Variants in SMAD2 observed in about 807,000 individuals in gnomAD.
SMAD2 encodes the protein MAD homolog 2.
Under a neutral mutation model 64.4 loss-of-function variants are expected in SMAD2, and 8 were observed. That is an observed-to-expected ratio of 0.12 (90% CI 0.07 to 0.22). The LOEUF (loss-of-function observed/expected upper bound fraction) is 0.22. Among genes scored for constraint, SMAD2 ranks in the 10% least tolerant of loss-of-function variants. SMAD2 has a pLI of 1.00. For missense variants in SMAD2, 289 were observed against 561.2 expected (o/e 0.51, Z 4.90); for synonymous variants, 203 against 195.8 (o/e 1.04, Z -0.31).
chr18:47,816,093 G>A lies in SMAD2; in HGVS notation c.*25734C>T, dbSNP rs1912355628. The A allele has an allele frequency of 6.6e-6, 1 of 152,158 alleles. No individual in the cohort carries two copies. Among genetic ancestry groups the A allele is most frequent in the African/African-American group, 2.4e-5 (1 of 41,416 alleles). 9.4% of individuals were successfully genotyped at this position (152,158 alleles called of 1,614,324 possible). On this transcript the variant is annotated 3_prime_UTR_variant, in exon 11 of 11. Transcript: ENST00000262160. ...ACGGTAAACACATACCTCATGTCTTGGCTTCTAGAGCCCGGAGATAAGATC... is the reference window on the plus strand; with the variant it reads ...ACGGTAAACACATACCTCATGTCTTAGCTTCTAGAGCCCGGAGATAAGATC...
At chr18:47,844,686 A>G (rs977979512) in intron 10 of SMAD2, among the ~76,000 whole-genome samples, 3 of 152,226 alleles carry the variant, frequency 2.0e-5, no homozygotes, top group East Asian at 1.9e-4. Context: ...CCAAATATGT[A>G]TTAGTTTGAA....
At chr18:47,904,133 T>C (rs950662150) in intron 1 of SMAD2, among the ~76,000 whole-genome samples, 2 of 151,414 alleles carry the variant, frequency 1.3e-5, no homozygotes, top group East Asian at 1.9e-4. Context: ...GAGTCCTCGA[T>C]AGAAAGAGAA....
intron 7 of SMAD2, among the ~76,000 whole-genome samples, chr18:47,850,095 G>C (rs1447448290): frequency 7.0e-6 from 1 of 141,874 alleles, no homozygotes; most frequent in African/African-American, 2.6e-5. Context: ...TCAATCTGCA[G>C]TTGGTTGAAT....
chr18:47,854,524 T>C (rs1314360626), intron 6 of SMAD2, among the ~76,000 whole-genome samples: 2 of 152,318 alleles, frequency 1.3e-5, no homozygotes, highest in Middle Eastern at 3.4e-3. Context: ...TTGTAAACAG[T>C]GTATTTCTGT....
intron 6 of SMAD2, among the ~76,000 whole-genome samples, chr18:47,851,575 G>A (rs1387248139): frequency 6.6e-6 from 1 of 152,068 alleles, no homozygotes; most frequent in East Asian, 1.9e-4. Flanking sequence ...TCTTCCCAAA[G>A]ATATCTAATA....
At chr18:47,850,001 T>C (rs1471458665) in intron 7 of SMAD2, among the ~76,000 whole-genome samples, 2 of 151,166 alleles carry the variant, frequency 1.3e-5, no homozygotes, top group African/African-American at 4.9e-5. Context: ...AGCAAGACTC[T>C]GTCTCAAAAA....
At chr18:47,863,041 G>T (rs113570893) in intron 6 of SMAD2, among the ~76,000 whole-genome samples, 3 of 151,288 alleles carry the variant, frequency 2.0e-5, no homozygotes, top group African/African-American at 7.3e-5. Flanking sequence ...TACTTATTAT[G>T]CCTAATTTAT....
rs1356158415 is a variant in SMAD2 at position 47,819,831 on chromosome 18, T to C, written c.*21996A>G. ...AAAAAAAAAAGAATTGGATGGATTA[T>C]AAACGGGATAAGCAAGGGTGAGACA... On this transcript the variant is annotated 3_prime_UTR_variant, in exon 11 of 11. Transcript: ENST00000262160. The C allele has an allele frequency of 6.8e-6, 1 of 146,088 alleles. No homozygotes were observed. The highest frequency in any genetic ancestry group is 1.5e-5 in the Non-Finnish European group (1 of 66,994). The allele number at this position is 146,088 out of a possible 1,614,324, so 9.0% of individuals were successfully genotyped here.
intron 6 of SMAD2, among the ~76,000 whole-genome samples, chr18:47,861,012 G>A (rs536030580): frequency 1.3e-5 from 2 of 152,012 alleles, no homozygotes; most frequent in Non-Finnish European, 2.9e-5. Context: ...GTTTATTGTA[G>A]GTCTTAGTTA....
rs1191272992 is a variant in SMAD2 at position 47,834,919 on chromosome 18, C to T, written c.*6908G>A. On this transcript the variant is annotated 3_prime_UTR_variant, in exon 11 of 11. Transcript: ENST00000262160. ...CAAAGGCTGCCAGCTGGAGACACAG[C>T]CCTCCGATTACAAAGGCCCAGAATG... 5 of 222,914 alleles carry T rather than the reference C, an allele frequency of 2.2e-5. No individual in the cohort carries two copies. The highest frequency in any genetic ancestry group is 4.5e-5 in the Non-Finnish European group (5 of 111,530). 13.8% of individuals were successfully genotyped at this position (222,914 alleles called of 1,614,324 possible). A position where few individuals can be genotyped will look rare whatever the true frequency, so the allele number is the denominator to read the frequency against.
At chr18:47,845,906 G>C in intron 8 of SMAD2, 106 bp from the exon 9 acceptor site, 1 of 999,594 alleles carries the variant, frequency 1.0e-6, no homozygotes, top group Non-Finnish European at 1.6e-6. Flanking sequence ...GGTATTTCCA[G>C]GATCTTTTTC....
At chr18:47,861,334 T>A (rs113446946) in intron 6 of SMAD2, among the ~76,000 whole-genome samples, 5,161 of 151,122 alleles carry the variant, frequency 0.034, 308 homozygotes, top group African/African-American at 0.12. Flanking sequence ...CAAAAAACAA[T>A]CAAACAAAAA....
intron 6 of SMAD2, among the ~76,000 whole-genome samples, chr18:47,855,028 CA>C (rs1315199193): frequency 6.6e-6 from 1 of 152,166 alleles, no homozygotes; most frequent in East Asian, 1.9e-4. Context: ...CACAAAGCCT[CA>C]GTAACCACTT....
At chr18:47,887,122 A>G (rs2032954658) in intron 2 of SMAD2, among the ~76,000 whole-genome samples, 1 of 152,150 alleles carries the variant, frequency 6.6e-6, no homozygotes, top group African/African-American at 2.4e-5. Flanking sequence ...CCACCACTCT[A>G]GTCATTGCTC....
chr18:47,852,914 T>C (rs2030262703), intron 6 of SMAD2, among the ~76,000 whole-genome samples: 1 of 152,178 alleles, frequency 6.6e-6, no homozygotes, highest in African/African-American at 2.4e-5. Flanking sequence ...CATTGTTAAA[T>C]AATCTTATTA....
intron 1 of SMAD2, among the ~76,000 whole-genome samples, chr18:47,906,338 C>G (rs1440192031): frequency 1.3e-5 from 2 of 152,120 alleles, no homozygotes; most frequent in East Asian, 3.9e-4. Context: ...ATAAGGGATA[C>G]TCAAATCTGT....
intron 1 of SMAD2, among the ~76,000 whole-genome samples, chr18:47,898,088 T>C (rs1372284317): frequency 1.3e-5 from 2 of 152,182 alleles, no homozygotes; most frequent in Non-Finnish European, 2.9e-5. Context: ...TTTTTAAACG[T>C]AGAGGAGGAA....
At chr18:47,851,406 G>T (rs1483469996) in intron 6 of SMAD2, 79 bp from the exon 7 acceptor site, 8 of 806,718 alleles carry the variant, frequency 9.9e-6, no homozygotes, top group Admixed American at 3.7e-5. Flanking sequence ...GCTTTATCTG[G>T]TTATAATTAT....
chr18:47,918,387 G>A (rs368532104), intron 1 of SMAD2, among the ~76,000 whole-genome samples: 1 of 152,122 alleles, frequency 6.6e-6, no homozygotes, highest in East Asian at 1.9e-4. Flanking sequence ...GACTTCACTA[G>A]GGTACCTGAC....
Sources: gnomAD v4.1 joint callset for allele counts (sites outside exome capture counted in the v4.1 genomes callset) on GRCh38, gnomAD v4.1.1 for gene constraint, MANE v1.5 for transcripts, NCBI Gene and HGNC (gene_info 2026-07-23, HGNC 2026-07-21) for gene names.